The following KLHL5 variants were observed in gnomAD, a reference collection of about 807,000 sequenced individuals.
KLHL5 encodes the protein kelch-like protein 5.
Under a neutral mutation model 77.7 loss-of-function variants are expected in KLHL5, and 48 were observed. The observed-to-expected ratio is 0.62, with a 90% CI of 0.49 to 0.79. The LOEUF (loss-of-function observed/expected upper bound fraction) is 0.79, where lower values mean the gene tolerates loss of function less well. KLHL5 is among the 30% of genes least tolerant of loss of function. The pLI, the probability that KLHL5 is intolerant of heterozygous loss-of-function variation, is 0.00. For missense variants in KLHL5, 723 were observed against 859.7 expected, an observed-to-expected ratio of 0.84 and a Z score of 1.99; for synonymous variants, 260 against 297.0, an observed-to-expected ratio of 0.88 and a Z score of 1.28.
rs909641054 is a variant in KLHL5 at position 39,123,008 on chromosome 4, T to G, written c.*1942T>G. ...TTTTACATGTTTTGATTTAGAAAAG[T>G]AGATGCAATATAATATATTTCAAGT... On this transcript the variant is annotated 3_prime_UTR_variant, in exon 11 of 11. Coordinates refer to ENST00000504108, the MANE Select transcript of KLHL5 (RefSeq NM_015990.5). Among the ~76,000 whole-genome samples, 2 of 152,164 alleles carry G rather than the reference T, an allele frequency of 1.3e-5. No individual in the cohort carries two copies. Among genetic ancestry groups the G allele is most frequent in the East Asian group, 3.8e-4 (2 of 5,206 alleles).
chr4:39,092,875 A>C (rs7674166), intron 5 of KLHL5, among the ~76,000 whole-genome samples: 20,936 of 152,220 alleles, frequency 0.14, 1,728 homozygotes, highest in South Asian at 0.21. Context: ...GAGGATGTGC[A>C]AAAACAGGAA....
At chr4:39,098,899 A>T (rs1019779818) in intron 6 of KLHL5, among the ~76,000 whole-genome samples, 1 of 152,196 alleles carries the variant, frequency 6.6e-6, no homozygotes, top group Non-Finnish European at 1.5e-5. Flanking sequence ...GAAAAAAAAA[A>T]TACCTACATA....
intron 2 of KLHL5, among the ~76,000 whole-genome samples, chr4:39,078,705 C>G (rs1266393508): frequency 6.6e-6 from 1 of 151,674 alleles, no homozygotes; most frequent in African/African-American, 2.4e-5. Context: ...GTCTTCACCC[C>G]CAGCAAAAAA....
At chr4:39,067,981 C>A (rs1314959002) in intron 1 of KLHL5, among the ~76,000 whole-genome samples, 1 of 152,068 alleles carries the variant, frequency 6.6e-6, no homozygotes, top group Admixed American at 6.6e-5. Flanking sequence ...CCACACCTGG[C>A]CCCATAACTC....
the KLHL5 span, among the ~76,000 whole-genome samples, chr4:39,139,970 C>G: frequency 6.6e-6 from 1 of 152,064 alleles, no homozygotes; most frequent in Admixed American, 6.6e-5. Flanking sequence ...CTCACACCTG[C>G]AATCCCAGCA....
At chr4:39,081,000 A>G (rs1197188012) in intron 2 of KLHL5, 103 bp from the exon 3 acceptor site, 3 of 1,145,588 alleles carry the variant, frequency 2.6e-6, no homozygotes, top group Non-Finnish European at 1.3e-6. Flanking sequence ...ATTTCCTAGT[A>G]CCATGCACTG....
At chr4:39,127,530 C>T (rs1168714655), downstream of KLHL5, among the ~76,000 whole-genome samples, 3 of 152,076 alleles carry the variant, frequency 2.0e-5, no homozygotes, top group African/African-American at 7.2e-5. Flanking sequence ...TCACTACGTC[C>T]ACAACTTCCT....
At chr4:39,061,301 G>A (rs902967579), upstream of KLHL5, among the ~76,000 whole-genome samples, 1 of 152,124 alleles carries the variant, frequency 6.6e-6, no homozygotes, top group Non-Finnish European at 1.5e-5. Flanking sequence ...TTTTTGGTCA[G>A]CTTAGATAGG....
Position 39,081,858 on chromosome 4 carries a change from C to A in KLHL5, c.704-105C>A. On this transcript the variant is annotated intron_variant, in intron 3 of 10. Coordinates refer to ENST00000504108, the MANE Select transcript of KLHL5 (RefSeq NM_015990.5). The surrounding 1 kb of genome is among the most constrained non-coding windows in gnomAD (Gnocchi z 4.3). ...TCTTAAACCATGTAGGTCTGTAATG[C>A]ATGTAATGAGCTCTTATATGGAACC... 1.3e-6 allele frequency: 1 copy of A among 747,144 alleles called. No homozygotes were observed. Among genetic ancestry groups the A allele is most frequent in the Non-Finnish European group, 2.0e-6 (1 of 490,276 alleles). The allele number at this position is 747,144 out of a possible 1,614,324, so 46.3% of individuals were successfully genotyped here. A position where few individuals can be genotyped will look rare whatever the true frequency, so the allele number is the denominator to read the frequency against.
chr4:39,050,455 T>A (rs1197836430), intron 1 of KLHL5, among the ~76,000 whole-genome samples: 1 of 152,238 alleles, frequency 6.6e-6, no homozygotes, highest in African/African-American at 2.4e-5. Flanking sequence ...TCCAAGTCTA[T>A]ATGATTTCTT....
At chr4:39,133,335 C>A in the KLHL5 span, among the ~76,000 whole-genome samples, 1 of 152,062 alleles carries the variant, frequency 6.6e-6, no homozygotes, top group Middle Eastern at 3.4e-3. Context: ...TATGTACATT[C>A]ATATAATAAC....
At chr4:39,097,248 C>T (rs959045340) in intron 6 of KLHL5, among the ~76,000 whole-genome samples, 1 of 152,070 alleles carries the variant, frequency 6.6e-6, no homozygotes, top group Non-Finnish European at 1.5e-5. Context: ...AGAATGCCAA[C>T]GAATGAATAT....
intron 8 of KLHL5, among the ~76,000 whole-genome samples, chr4:39,108,886 C>T (rs1722235770): frequency 6.6e-6 from 1 of 152,164 alleles, no homozygotes; most frequent in African/African-American, 2.4e-5. Flanking sequence ...AAAAGAATAA[C>T]TGCCTTCTCT....
the KLHL5 span, among the ~76,000 whole-genome samples, chr4:39,134,362 T>C: frequency 6.6e-6 from 1 of 152,260 alleles, no homozygotes; most frequent in Non-Finnish European, 1.5e-5. Context: ...GCATTTCATA[T>C]GTATGTTAAC....
At chr4:39,098,257 C>G (rs1283006173) in intron 6 of KLHL5, among the ~76,000 whole-genome samples, 1 of 151,260 alleles carries the variant, frequency 6.6e-6, no homozygotes, top group Non-Finnish European at 1.5e-5. Context: ...CTGCAAGTTA[C>G]TGTTTTTTTG....
chr4:39,117,548 G>A (rs1722928122), intron 10 of KLHL5, among the ~76,000 whole-genome samples: 1 of 152,136 alleles, frequency 6.6e-6, no homozygotes, highest in Admixed American at 6.5e-5. Flanking sequence ...GCCAGGTCTT[G>A]TTGATCTTTC....
chr4:39,059,664 C>A (rs999336076), upstream of KLHL5, among the ~76,000 whole-genome samples: 3 of 152,124 alleles, frequency 2.0e-5, no homozygotes, highest in Admixed American at 2.0e-4. Flanking sequence ...AGGAGAATTG[C>A]TTGAACCTGG....
chr4:39,062,453 T>C lies in KLHL5; in HGVS notation c.-200T>C. On this transcript the variant is annotated 5_prime_UTR_variant, in exon 1 of 11. Coordinates refer to ENST00000504108, the MANE Select transcript of KLHL5 (RefSeq NM_015990.5). ...AATGTTCCACCGTGTTTCATCTTTA[T>C]TCATTATCCTTTGTTCTTTAAAATC... The C allele has an allele frequency of 1.3e-6, 2 of 1,546,670 alleles. No individual in the cohort carries two copies. The highest frequency in any genetic ancestry group is 1.7e-6 in the Non-Finnish European group (2 of 1,151,236).
At chr4:39,106,341 C>T (rs901181185) in intron 7 of KLHL5, among the ~76,000 whole-genome samples, 2 of 152,230 alleles carry the variant, frequency 1.3e-5, no homozygotes, top group Admixed American at 6.5e-5. Flanking sequence ...AAGGTCTCCC[C>T]TGACCCTCTC....
Sources: gnomAD v4.1 joint callset for allele counts (sites outside exome capture counted in the v4.1 genomes callset) on GRCh38, gnomAD v4.1.1 for gene constraint, Gnocchi (gnomAD v3.1) non-coding constraint, MANE v1.5 for transcripts, NCBI Gene and HGNC (gene_info 2026-07-23, HGNC 2026-07-21) for gene names.